The following GAA variants were observed in gnomAD, a reference collection of about 807,000 sequenced individuals.
GAA encodes lysosomal alpha-glucosidase.
Under a neutral mutation model 103.9 loss-of-function variants are expected in GAA, and 88 were observed. The observed-to-expected ratio is 0.85, with a 90% confidence interval of 0.71 to 1.01. The LOEUF is 1.01. Among genes scored for constraint, GAA ranks in the 50% least tolerant of loss-of-function variants. GAA has a pLI of 0.00. For synonymous variants in GAA, 572 were observed against 563.1 expected, an observed-to-expected ratio of 1.02 and a Z score of -0.22; for missense variants, 1,350 against 1,305.3, an observed-to-expected ratio of 1.03 and a Z score of -0.53.
intron 15 of GAA, among the ~76,000 whole-genome samples, chr17:80,113,596 C>T (rs953082597): frequency 6.6e-6 from 1 of 152,218 alleles, no homozygotes; most frequent in Admixed American, 6.5e-5. Context: ...CAGCCCTGCA[C>T]ATCAGTGTGT....
At chr17:80,107,097 C>G (rs1053914969) in intron 3 of GAA, among the ~76,000 whole-genome samples, 1 of 152,178 alleles carries the variant, frequency 6.6e-6, no homozygotes, top group Admixed American at 6.5e-5. Context: ...CTCGGAGGTG[C>G]TGTTTGCCTT....
Position 80,118,204 on chromosome 17 carries a change from C to A in GAA, c.2493C>A (p.Leu831=). Residue 831 remains leucine (L), a synonymous_variant, in exon 18 of 20, where the codon CTC becomes CTA. Transcript: ENST00000302262. ...CCTTCCCTTTCCAGGGCCCTGGCCT[C>A]ACAACCACAGAGTCCCGCCAGCAGC... ...GYIIPLQGPG[L]TTTESRQQPM... is the part of the protein sequence containing the mutation. The A allele has an allele frequency of 6.2e-7, 1 of 1,613,058 alleles. No homozygotes were observed. The highest frequency in any genetic ancestry group is 8.5e-7 in the Non-Finnish European group (1 of 1,179,834).
chr17:80,117,630 C>A lies in GAA; in HGVS notation c.2362C>A (p.Pro788Thr), dbSNP rs2039384789. The change falls in exon 17 of 20, where the codon CCC becomes ACC. Residue 788 changes from proline (P) to threonine (T), a missense_variant. Pro to Thr is a conservative substitution (Grantham distance 38). Transcript: ENST00000302262. ...AGTAGAGGCCCTTGGCAGCCTCCCA[C>A]CCCCACCTGCAGCTCCCCGTGAGCC... The part of the protein sequence containing the change: ...VPVEALGSLP[P>T]PPAAPREPAI... 15 of 1,612,052 alleles carry A rather than the reference C, an allele frequency of 9.3e-6. No homozygotes were observed. The highest frequency in any genetic ancestry group is 1.3e-5 in the Non-Finnish European group (15 of 1,179,308).
Position 80,108,626 on chromosome 17 carries a change from A to G in GAA, c.1194+19A>G. 6.2e-7 allele frequency: 1 copy of G among 1,612,526 alleles called. No individual in the cohort carries two copies. ...CCCCCTGGTGAGTTGGGGTGGTGGC[A>G]GGGGAGGCAAGGGGCTGGCCGGGAC... On this transcript the variant is annotated intron_variant, in intron 7 of 19. Coordinates refer to ENST00000302262, the MANE Select transcript of GAA (RefSeq NM_000152.5).
At chr17:80,117,449 T>C in intron 16 of GAA, 151 bp from the exon 17 acceptor site, 1 of 941,324 alleles carries the variant, frequency 1.1e-6, no homozygotes, top group Non-Finnish European at 1.7e-6. Context: ...CAGTGAGCCC[T>C]GAGTCTGCGC....
At chr17:80,108,031 G>A in intron 5 of GAA, 135 bp downstream of exon 5, 1 of 1,044,616 alleles carries the variant, frequency 9.6e-7, no homozygotes, top group Non-Finnish European at 1.4e-6. Context: ...CCTATGGGCT[G>A]ATGCCTCTCC....
chr17:80,117,765 G>T lies in GAA; in HGVS notation c.2481+16G>T. 1 of 1,599,474 alleles carries T rather than the reference G, an allele frequency of 6.3e-7. No homozygotes were observed. ...CCCCCTGCAGGTACCTGGGCCAGGCGGCTATGGTGGGGGTGTGGACAGCAC... is the reference window on the plus strand; with the variant it reads ...CCCCCTGCAGGTACCTGGGCCAGGCTGCTATGGTGGGGGTGTGGACAGCAC... On this transcript the variant is annotated intron_variant, in intron 17 of 19. Coordinates refer to ENST00000302262, the MANE Select transcript of GAA (RefSeq NM_000152.5).
chr17:80,108,266 A>G (rs1271193773), intron 5 of GAA, 24 bp from the exon 6 acceptor site: 3 of 1,613,000 alleles, frequency 1.9e-6, no homozygotes, highest in African/African-American at 1.3e-5. Context: ...CTGTCCCCCA[A>G]CCCCAGAGCT....
chr17:80,113,096 A>G lies in GAA; in HGVS notation c.2040+69A>G, dbSNP rs2304834. The G allele has an allele frequency of 0.065, 100,711 of 1,543,028 alleles. 3,429 individuals are homozygous for G. Among genetic ancestry groups the G allele is most frequent in the Non-Finnish European group, 0.069 (79,177 of 1,143,586 alleles). On this transcript the variant is annotated intron_variant, in intron 14 of 19. Transcript: ENST00000302262. ...CCCAAGACTCTCCCCTGGGAATCCC[A>G]CCCCTGCTGGAGAAGCACCCCATGC...
intron 15 of GAA, 193 bp from the exon 16 acceptor site, chr17:80,116,775 C>T: frequency 1.5e-6 from 1 of 646,736 alleles, no homozygotes. Context: ...GAGAAGGCTT[C>T]TCCCAGCTCC....
rs1034101189 is a variant in GAA, at chr17:80,119,305, G to C, written c.2833G>C (p.Glu945Gln). The C allele has an allele frequency of 4.3e-6, 7 of 1,613,966 alleles. No individual in the cohort carries two copies. Among genetic ancestry groups the C allele is most frequent in the Non-Finnish European group, 5.9e-6 (7 of 1,179,948 alleles). Residue 945 changes from glutamate (E) to glutamine (Q), a missense_variant, in exon 20 of 20, where the codon GAG becomes CAG. Glu to Gln is a conservative substitution (Grantham distance 29, BLOSUM62 2). Coordinates refer to ENST00000302262, the MANE Select transcript of GAA (RefSeq NM_000152.5). The part of the protein sequence containing the change: ...LDICVSLLMG[E>Q]QFLVSWC The stretch of plus-strand genomic sequence containing the variant: ...CATCTGTGTCTCGCTGTTGATGGGA[G>C]AGCAGTTTCTCGTCAGCTGGTGTTA...
At position 80,111,013 on chromosome 17, in the gene GAA, C is replaced by T. The variant is rs759782466; in HGVS notation, c.1624C>T (p.Pro542Ser). The change falls in exon 11 of 20, where the codon CCC becomes TCC. Residue 542 changes from proline (P) to serine (S), a missense_variant. Transcript: ENST00000302262. The stretch of plus-strand genomic sequence containing the variant: ...CCCCAACAATGAGCTGGAGAACCCA[C>T]CCTACGTGCCTGGTCAGCTCGCCCC... ...GCPNNELENP[P>S]YVPGVVGGTL... 1 of 1,613,856 alleles carries T rather than the reference C, an allele frequency of 6.2e-7. No individual in the cohort carries two copies. The highest frequency in any genetic ancestry group is 8.5e-7 in the Non-Finnish European group (1 of 1,179,986).
At position 80,118,769 on chromosome 17, in the gene GAA, C is replaced by T; in HGVS notation, c.2763C>T (p.Val921=). 6.2e-7 allele frequency: 1 copy of T among 1,613,548 alleles called. No homozygotes were observed. The highest frequency in any genetic ancestry group is 2.2e-5 in the East Asian group (1 of 44,874). Residue 921 remains valine, a synonymous_variant, in exon 19 of 20, where the codon GTC becomes GTT. Coordinates refer to ENST00000302262, the MANE Select transcript of GAA (RefSeq NM_000152.5). ...CCCAGCAGGTCCTCTCCAACGGTGT[C>T]CCTGTCTCCAACTTCACCTACAGCC... ...TAPQQVLSNG[V]PVSNFTYSPD... is the part of the protein sequence containing the mutation.
rs1224788351 is a variant in GAA, at chr17:80,117,688, T to C, written c.2420T>C (p.Leu807Pro). 1 of 1,612,378 alleles carries C rather than the reference T, an allele frequency of 6.2e-7. No homozygotes were observed. Among genetic ancestry groups the C allele is most frequent in the African/African-American group, 1.3e-5 (1 of 74,912 alleles). ...CACAGCGAGGGGCAGTGGGTGACGCTGCCGGCCCCCCTGGACACCATCAAC... is the reference window on the plus strand; with the variant it reads ...CACAGCGAGGGGCAGTGGGTGACGCCGCCGGCCCCCCTGGACACCATCAAC... Reference protein sequence around the residue: ...AIHSEGQWVTLPAPLDTINVH... With the variant: ...AIHSEGQWVTPPAPLDTINVH... The change falls in exon 17 of 20, where the codon CTG (leucine) becomes CCG (proline). Residue 807 changes from leucine (L) to proline (P), a missense_variant. Transcript: ENST00000302262.
In GAA at chr17:80,105,783, C is replaced by A; in HGVS notation, c.581C>A (p.Pro194His). 2 of 1,612,204 alleles carry A rather than the reference C, an allele frequency of 1.2e-6. No individual in the cohort carries two copies. Among genetic ancestry groups the A allele is most frequent in the Non-Finnish European group, 8.5e-7 (1 of 1,179,966 alleles). ...CCAGCTAACAGGCGCTACGAGGTGC[C>A]CTTGGAGACCCCGCATGTCCACAGC... ...KDPANRRYEV[P>H]LETPHVHSRA... The change falls in exon 3 of 20, where the codon CCC becomes CAC. Residue 194 changes from proline to histidine, a missense_variant. Coordinates refer to ENST00000302262, the MANE Select transcript of GAA (RefSeq NM_000152.5).
chr17:80,117,715 T>C lies in GAA; in HGVS notation c.2447T>C (p.Val816Ala). ...TLPAPLDTIN[V>A]HLRAGYIIPL... Reference sequence around the variant, plus strand: ...CCGGCCCCCCTGGACACCATCAACGTCCACCTCCGGGCTGGGTACATCATC... The same window carrying C: ...CCGGCCCCCCTGGACACCATCAACGCCCACCTCCGGGCTGGGTACATCATC... Residue 816 changes from valine to alanine, a missense_variant, in exon 17 of 20, where the codon GTC becomes GCC. By Grantham distance (64) the Val-to-Ala change is moderately conservative (BLOSUM62 0). Transcript: ENST00000302262. 6.2e-7 allele frequency: 1 copy of C among 1,611,852 alleles called. No individual in the cohort carries two copies.
In GAA at chr17:80,108,519, T is replaced by C. The variant is rs2039149745; in HGVS notation, c.1106T>C (p.Leu369Pro). Residue 369 changes from leucine to proline, a missense_variant, in exon 7 of 20, where the codon CTG becomes CCG. Transcript: ENST00000302262. Reference protein sequence around the residue: ...GYPFMPPYWGLGFHLCRWGYS... With the variant: ...GYPFMPPYWGPGFHLCRWGYS... ...CCGTTCATGCCGCCATACTGGGGCC[T>C]GGGCTTCCACCTGTGCCGCTGGGGC... 6.2e-7 allele frequency: 1 copy of C among 1,613,124 alleles called. No individual in the cohort carries two copies. The highest frequency in any genetic ancestry group is 1.7e-5 in the Admixed American group (1 of 60,010).
In GAA at chr17:80,108,515, G is replaced by A. The variant is rs573556709; in HGVS notation, c.1102G>A (p.Gly368Ser). Residue 368 changes from glycine (G) to serine (S), a missense_variant, in exon 7 of 20, where the codon GGC becomes AGC. Coordinates refer to ENST00000302262, the MANE Select transcript of GAA (RefSeq NM_000152.5). ...ATACCCGTTCATGCCGCCATACTGG[G>A]GCCTGGGCTTCCACCTGTGCCGCTG... The part of the protein sequence containing the change: ...VGYPFMPPYW[G>S]LGFHLCRWGY... The A allele has an allele frequency of 2.3e-5, 37 of 1,613,132 alleles. No individual in the cohort carries two copies. In the South Asian group the frequency reaches 3.8e-4, roughly 17 times the overall value.
rs2039072589 is a variant in GAA, at chr17:80,105,853, C to G, written c.651C>G (p.Pro217=). Residue 217 remains proline, a synonymous_variant, in exon 3 of 20, where the codon CCC becomes CCG. Transcript: ENST00000302262. ...PLYSVEFSEE[P]FGVIVRRQLD... is the part of the protein sequence containing the mutation. ...ACAGCGTGGAGTTCTCCGAGGAGCC[C>G]TTCGGGGTGATCGTGCGCCGGCAGC... 6.2e-7 allele frequency: 1 copy of G among 1,606,372 alleles called. No individual in the cohort carries two copies. Among genetic ancestry groups the G allele is most frequent in the Non-Finnish European group, 8.5e-7 (1 of 1,178,962 alleles).
Sources: gnomAD v4.1 joint callset for allele counts (sites outside exome capture counted in the v4.1 genomes callset) on GRCh38, gnomAD v4.1.1 for gene constraint, MANE v1.5 for transcripts, NCBI Gene and HGNC (gene_info 2026-07-23, HGNC 2026-07-21) for gene names.